The following PLGRKT variants were observed in gnomAD, a reference collection of about 807,000 sequenced individuals.
PLGRKT encodes the protein plasminogen receptor (KT).
A neutral mutation model predicts 18.5 loss-of-function variants in PLGRKT; 22 were observed. That is an observed-to-expected ratio of 1.19 (90% CI 0.85 to 1.70). The LOEUF (loss-of-function observed/expected upper bound fraction) is 1.70, where lower values mean the gene tolerates loss of function less well. PLGRKT is among the 40% of genes most tolerant of loss of function. The pLI, the probability that PLGRKT is intolerant of heterozygous loss-of-function variation, is 0.00. For synonymous variants in PLGRKT, 72 were observed against 52.8 expected (o/e 1.36, Z -1.58); for missense variants, 235 against 174.4 (o/e 1.35, Z -1.96).
At chr9:5,408,206 G>A (rs1818292278) in intron 3 of PLGRKT, among the ~76,000 whole-genome samples, 1 of 152,228 alleles carries the variant, frequency 6.6e-6, no homozygotes, top group Admixed American at 6.5e-5. Flanking sequence ...GGGCTCAGAG[G>A]AAGACAGAAG....
intron 3 of PLGRKT, among the ~76,000 whole-genome samples, chr9:5,403,244 A>G (rs1344247024): frequency 3.1e-5 from 4 of 130,216 alleles, no homozygotes; most frequent in Non-Finnish European, 6.4e-5. Flanking sequence ...TTTTTTTGAG[A>G]TGGAGTTTTG....
Position 5,395,888 on chromosome 9 carries a change from GTTT to G in PLGRKT, c.82-34003_82-34001del, listed in dbSNP as rs201547310. 9.6e-3 allele frequency among the ~76,000 whole-genome samples: 1,240 copies of G among 129,718 alleles called. 7 individuals carry two copies. Among genetic ancestry groups the G allele is most frequent in the Non-Finnish European group, 0.012 (771 of 62,414 alleles). The allele number at this position is 129,718 out of a possible 152,430, so 85.1% of individuals were successfully genotyped here. A position where few individuals can be genotyped will look rare whatever the true frequency, so the allele number is the denominator to read the frequency against. Reference sequence around the variant, plus strand: ...TTAGGGTTCATCCTCTAACCTAACAGTTTTTTTTTTTTTTTTTTTTCCTGAGAC... The same window carrying G: ...TTAGGGTTCATCCTCTAACCTAACAGTTTTTTTTTTTTTTTTTCCTGAGAC... On this transcript the variant is annotated intron_variant, in intron 3 of 5. Transcript: ENST00000223864.
chr9:5,366,485 T>G (rs908388439), intron 3 of PLGRKT, among the ~76,000 whole-genome samples: 3 of 152,202 alleles, frequency 2.0e-5, no homozygotes, highest in Non-Finnish European at 4.4e-5. Flanking sequence ...CTTCACACTC[T>G]GAGGATTTTA....
intron 3 of PLGRKT, among the ~76,000 whole-genome samples, chr9:5,413,070 A>C (rs1381763466): frequency 6.6e-6 from 1 of 152,190 alleles, no homozygotes; most frequent in African/African-American, 2.4e-5. Flanking sequence ...AGCAAAAACT[A>C]AAAAGCAAGA....
At chr9:5,372,085 A>C (rs942496145) in intron 3 of PLGRKT, among the ~76,000 whole-genome samples, 2 of 145,070 alleles carry the variant, frequency 1.4e-5, no homozygotes, top group Non-Finnish European at 3.0e-5. Context: ...GGGTTCGAGC[A>C]ATTCTCCTGC....
At chr9:5,390,216 CGTGT>C (rs71326160) in intron 3 of PLGRKT, among the ~76,000 whole-genome samples, 35,199 of 147,482 alleles carry the variant, frequency 0.24, 4,605 homozygotes, top group Non-Finnish European at 0.3. Flanking sequence ...TATGTGTGTG[CGTGT>C]GTGTGTGTGT....
intron 3 of PLGRKT, among the ~76,000 whole-genome samples, chr9:5,402,304 A>T (rs1271752741): frequency 6.6e-6 from 1 of 151,936 alleles, no homozygotes; most frequent in Non-Finnish European, 1.5e-5. Context: ...GGTTTAAGGT[A>T]ACCTCAAGGG....
At chr9:5,366,807 A>T (rs1817398773) in intron 3 of PLGRKT, among the ~76,000 whole-genome samples, 1 of 152,050 alleles carries the variant, frequency 6.6e-6, no homozygotes, top group Non-Finnish European at 1.5e-5. Flanking sequence ...AAGTCAAATA[A>T]TCCCTCCTCA....
intron 3 of PLGRKT, among the ~76,000 whole-genome samples, chr9:5,420,019 T>A (rs571979936): frequency 2.6e-5 from 4 of 152,336 alleles, no homozygotes; most frequent in African/African-American, 9.6e-5. Flanking sequence ...GGTATATCCA[T>A]ACAATGGATG....
chr9:5,396,730 G>A (rs1439636357), intron 3 of PLGRKT, among the ~76,000 whole-genome samples: 20 of 147,834 alleles, frequency 1.4e-4, no homozygotes, highest in Admixed American at 1.3e-3. Flanking sequence ...AAACCTAGCA[G>A]AAAACAGTTT....
chr9:5,360,513 G>T (rs948002858), intron 5 of PLGRKT, among the ~76,000 whole-genome samples: 2 of 152,112 alleles, frequency 1.3e-5, no homozygotes, highest in East Asian at 3.9e-4. Flanking sequence ...TTCAACCCCT[G>T]GTCCAGACAA....
At chr9:5,422,890 G>C (rs1818604667) in intron 3 of PLGRKT, among the ~76,000 whole-genome samples, 1 of 152,040 alleles carries the variant, frequency 6.6e-6, no homozygotes, top group Non-Finnish European at 1.5e-5. Context: ...AGTTAGATTT[G>C]CTGGTGGGTC....
intron 3 of PLGRKT, among the ~76,000 whole-genome samples, chr9:5,378,987 C>G (rs1473268572): frequency 1.3e-5 from 2 of 151,894 alleles, no homozygotes; most frequent in African/African-American, 2.4e-5. Flanking sequence ...AAGTTGAAAT[C>G]ACATAGGCCA....
At chr9:5,402,336 G>T (rs1172910674) in intron 3 of PLGRKT, among the ~76,000 whole-genome samples, 1 of 151,896 alleles carries the variant, frequency 6.6e-6, no homozygotes, top group African/African-American at 2.4e-5. Flanking sequence ...CCCAGGGGCT[G>T]ACAATAGCAG....
At chr9:5,433,192 C>T in intron 2 of PLGRKT, among the ~76,000 whole-genome samples, 1 of 150,174 alleles carries the variant, frequency 6.7e-6, no homozygotes, top group South Asian at 2.1e-4. Context: ...GGCCGCCACC[C>T]CGTCTAGGAA....
intron 3 of PLGRKT, among the ~76,000 whole-genome samples, chr9:5,404,364 A>G (rs1478560483): frequency 6.6e-6 from 1 of 152,184 alleles, no homozygotes; most frequent in Admixed American, 6.5e-5. Context: ...GAACATCGAT[A>G]CAAAAATCCT....
At chr9:5,437,136 G>T (rs1310827308) in intron 1 of PLGRKT, among the ~76,000 whole-genome samples, 2 of 152,156 alleles carry the variant, frequency 1.3e-5, no homozygotes, top group Admixed American at 6.5e-5. Context: ...CCTCAGGTGA[G>T]CTATAGATTA....
intron 3 of PLGRKT, among the ~76,000 whole-genome samples, chr9:5,404,012 A>C (rs1818206700): frequency 1.3e-5 from 2 of 152,300 alleles, no homozygotes; most frequent in South Asian, 4.1e-4. Context: ...CTATGCAAAT[A>C]AACTAGAAAA....
At chr9:5,417,174 T>C (rs1266859374) in intron 3 of PLGRKT, among the ~76,000 whole-genome samples, 8 of 152,194 alleles carry the variant, frequency 5.3e-5, no homozygotes, top group Non-Finnish European at 1.0e-4. Flanking sequence ...GATGCACTTT[T>C]CAAAGGGGCT....
Sources: gnomAD v4.1 joint callset for allele counts (sites outside exome capture counted in the v4.1 genomes callset) on GRCh38, gnomAD v4.1.1 for gene constraint, MANE v1.5 for transcripts, NCBI Gene and HGNC (gene_info 2026-07-23, HGNC 2026-07-21) for gene names.